The following LIPC variants were observed in gnomAD, a reference collection of about 807,000 sequenced individuals.
LIPC encodes the protein hepatic triacylglycerol lipase.
LIPC carries 44 observed loss-of-function variants against 50.7 expected under a neutral mutation model. The ratio of observed to expected loss-of-function variants is 0.87; its 90% CI spans 0.68 to 1.11. The LOEUF (loss-of-function observed/expected upper bound fraction) is 1.11, where lower values mean the gene tolerates loss of function less well. Among genes scored for constraint, LIPC ranks in the 50% most tolerant of loss-of-function variants. LIPC has a pLI of 0.00. For missense variants in LIPC, 697 were observed against 648.2 expected, an observed-to-expected ratio of 1.08 and a Z score of -0.82; for synonymous variants, 271 against 256.4, an observed-to-expected ratio of 1.06 and a Z score of -0.54.
chr15:58,511,755 A>G (rs111414590), intron 1 of LIPC, among the ~76,000 whole-genome samples: 3 of 152,376 alleles, frequency 2.0e-5, no homozygotes, highest in African/African-American at 7.2e-5. Flanking sequence ...AGATTGCATC[A>G]CAGTGTGGTT....
At chr15:58,459,762 G>T (rs575992454) in intron 1 of LIPC, among the ~76,000 whole-genome samples, 1 of 152,234 alleles carries the variant, frequency 6.6e-6, no homozygotes, top group African/African-American at 2.4e-5. Flanking sequence ...CCCCAAGGAC[G>T]CCTGCACGGG....
chr15:58,566,131 G>A (rs1023672270), intron 8 of LIPC: 68 of 977,764 alleles, frequency 7.0e-5, no homozygotes, highest in East Asian at 3.4e-4. Flanking sequence ...TCTAACAAGC[G>A]ACCAGGCAAT....
At chr15:58,529,655 C>G (rs542876967) in intron 1 of LIPC, among the ~76,000 whole-genome samples, 1 of 152,218 alleles carries the variant, frequency 6.6e-6, no homozygotes, top group Non-Finnish European at 1.5e-5. Context: ...GCCCTCTGAG[C>G]TTTAACAGAG....
intron 1 of LIPC, among the ~76,000 whole-genome samples, chr15:58,453,787 G>A (rs1410386051): frequency 7.2e-5 from 11 of 151,850 alleles, no homozygotes; most frequent in East Asian, 1.9e-4. Flanking sequence ...CTACTAGGGA[G>A]GCTGAGGTGG....
chr15:58,542,260 C>A (rs1242753700), intron 3 of LIPC, among the ~76,000 whole-genome samples: 1 of 152,162 alleles, frequency 6.6e-6, no homozygotes, highest in Non-Finnish European at 1.5e-5. Context: ...AGCTATCAAG[C>A]CCCCACACAA....
chr15:58,566,145 G>A (rs765449156), intron 8 of LIPC: 15 of 981,234 alleles, frequency 1.5e-5, no homozygotes, highest in Non-Finnish European at 1.8e-5. Context: ...AGGCAATGCT[G>A]TTGCTGCAGG....
intron 1 of LIPC, among the ~76,000 whole-genome samples, chr15:58,516,686 A>G (rs966854347): frequency 6.6e-6 from 1 of 152,172 alleles, no homozygotes; most frequent in Non-Finnish European, 1.5e-5. Context: ...GACTTCTTAT[A>G]TCTCCCATAT....
At chr15:58,472,800 A>C (rs1455840779) in intron 1 of LIPC, among the ~76,000 whole-genome samples, 1 of 152,224 alleles carries the variant, frequency 6.6e-6, no homozygotes, top group Non-Finnish European at 1.5e-5. Flanking sequence ...TGTTGTCTTC[A>C]CAACGGCCTT....
chr15:58,499,440 A>T (rs1891894930), intron 1 of LIPC, among the ~76,000 whole-genome samples: 1 of 152,208 alleles, frequency 6.6e-6, no homozygotes. Flanking sequence ...AGGAATGAGT[A>T]TGTAACAGGA....
At chr15:58,550,223 A>G (rs1194226104) in intron 6 of LIPC, among the ~76,000 whole-genome samples, 1 of 152,146 alleles carries the variant, frequency 6.6e-6, no homozygotes, top group Admixed American at 6.5e-5. Context: ...GGGGTATGGA[A>G]GAGAAGGGTG....
chr15:58,467,404 T>C (rs1894608152), intron 1 of LIPC, among the ~76,000 whole-genome samples: 1 of 152,186 alleles, frequency 6.6e-6, no homozygotes, highest in African/African-American at 2.4e-5. Flanking sequence ...ACGTATTGGT[T>C]TCCGCTCCGT....
intron 1 of LIPC, chr15:58,432,472 C>T (rs1468179104): frequency 1.6e-5 from 5 of 313,636 alleles, no homozygotes; most frequent in African/African-American, 2.1e-5. Flanking sequence ...AATTTGCAAC[C>T]GGGGAGCCAG....
At chr15:58,546,046 T>C in intron 5 of LIPC, 71 bp downstream of exon 5, 1 of 1,277,346 alleles carries the variant, frequency 7.8e-7, no homozygotes, top group Non-Finnish European at 1.1e-6. Context: ...CAGCGGAATC[T>C]ACCAACATAC....
intron 1 of LIPC, among the ~76,000 whole-genome samples, chr15:58,452,823 G>C (rs1009261125): frequency 1.3e-5 from 2 of 152,220 alleles, no homozygotes; most frequent in Non-Finnish European, 1.5e-5. Context: ...GGAGCTGGTA[G>C]TGAGGGTACA....
intron 1 of LIPC, among the ~76,000 whole-genome samples, chr15:58,437,114 G>A (rs1470042916): frequency 6.6e-6 from 1 of 152,136 alleles, no homozygotes; most frequent in East Asian, 1.9e-4. Flanking sequence ...GGGCAATAAT[G>A]ATGAAGTTCA....
intron 1 of LIPC, among the ~76,000 whole-genome samples, chr15:58,485,865 G>A (rs1374436350): frequency 2.0e-5 from 3 of 152,222 alleles, no homozygotes; most frequent in African/African-American, 4.8e-5. Context: ...TTACGGTTGA[G>A]AACAATGAGA....
chr15:58,565,872 C>T (rs1219615758), intron 8 of LIPC: 2 of 983,332 alleles, frequency 2.0e-6, no homozygotes, highest in African/African-American at 3.6e-5. Flanking sequence ...TACCGAGTGC[C>T]TCCTCTGTGT....
intron 6 of LIPC, among the ~76,000 whole-genome samples, chr15:58,554,189 A>G (rs1175426040): frequency 6.6e-6 from 1 of 152,202 alleles, no homozygotes; most frequent in Non-Finnish European, 1.5e-5. Context: ...TGGCACCAGC[A>G]GGGTCCACAC....
At chr15:58,470,756 C>T (rs140849656) in intron 1 of LIPC, among the ~76,000 whole-genome samples, 17 of 152,226 alleles carry the variant, frequency 1.1e-4, no homozygotes, top group African/African-American at 3.4e-4. Context: ...CCAGCCACCA[C>T]ACACAGCTAA....
Sources: gnomAD v4.1 joint callset for allele counts (sites outside exome capture counted in the v4.1 genomes callset) on GRCh38, gnomAD v4.1.1 for gene constraint, MANE v1.5 for transcripts, NCBI Gene and HGNC (gene_info 2026-07-23, HGNC 2026-07-21) for gene names.